Variants in RGPD4 observed in about 807,000 individuals in gnomAD.
RGPD4 encodes ranBP2-like and GRIP domain-containing protein 4.
A neutral mutation model predicts 141.1 loss-of-function variants in RGPD4; 84 were observed. The ratio of observed to expected loss-of-function variants is 0.60; its 90% CI spans 0.50 to 0.71. The LOEUF (loss-of-function observed/expected upper bound fraction) is 0.71. Among genes scored for constraint, RGPD4 ranks in the 30% least tolerant of loss-of-function variants. RGPD4 has a pLI of 0.00. For missense variants in RGPD4, 918 were observed against 1,622.4 expected, an observed-to-expected ratio of 0.57 and a Z score of 7.46; for synonymous variants, 298 against 566.8, an observed-to-expected ratio of 0.53 and a Z score of 6.74.
In RGPD4 at chr2:107,890,505, C is replaced by T. The variant is rs535256000; in HGVS notation, c.5267-216C>T. ...TCAAGGCTGCACTGAAGTCTCATCACGCCACTGCACTCCAGCCTGGGTGAC... is the reference window on the plus strand; with the variant it reads ...TCAAGGCTGCACTGAAGTCTCATCATGCCACTGCACTCCAGCCTGGGTGAC... On this transcript the variant is annotated intron_variant, in intron 22 of 22. Transcript: ENST00000408999. Among the ~76,000 whole-genome samples, 256 of 126,430 alleles carry T rather than the reference C, an allele frequency of 2.0e-3. 2 individuals carry two copies. The highest frequency in any genetic ancestry group is 6.9e-3 in the African/African-American group (227 of 32,786). 82.9% of individuals were successfully genotyped at this position (126,430 alleles called of 152,430 possible). A position where few individuals can be genotyped will look rare whatever the true frequency, so the allele number is the denominator to read the frequency against.
At chr2:107,827,411 C>T (rs573754540) in intron 1 of RGPD4, among the ~76,000 whole-genome samples, 3,388 of 59,420 alleles carry the variant, frequency 0.057, 558 homozygotes, top group African/African-American at 0.13. Context: ...GCGGCGGCCT[C>T]GACCCGGCCC....
Position 107,871,142 on chromosome 2 carries a change from A to G in RGPD4, c.3138A>G (p.Glu1046=), listed in dbSNP as rs1354462437. 8 of 1,610,838 alleles carry G rather than the reference A, an allele frequency of 5.0e-6. No individual in the cohort carries two copies. The highest frequency in any genetic ancestry group is 6.8e-6 in the Non-Finnish European group (8 of 1,179,804). ...TTGAACCAGTAGTTCAAATGCCTGA[A>G]AAAGTAGAACTTGTAATAGGAGAAG... The part of the protein sequence containing the change: ...IHFEPVVQMP[E]KVELVIGEEG... Residue 1046 remains glutamate (E), a synonymous_variant, in exon 20 of 23, where the codon GAA becomes GAG. Coordinates refer to ENST00000408999, the MANE Select transcript of RGPD4 (RefSeq NM_182588.3).
chr2:107,861,664 A>G lies in RGPD4; in HGVS notation c.2129A>G (p.Asn710Ser). Residue 710 changes from asparagine to serine, a missense_variant, in exon 15 of 23, where the codon AAT becomes AGT. Asn to Ser is a conservative substitution (Grantham distance 46, BLOSUM62 1). Coordinates refer to ENST00000408999, the MANE Select transcript of RGPD4 (RefSeq NM_182588.3). ...CCTGAAGAACAAGAAGAATGCAAAA[A>G]TTATCTGAGAAAGACCAGGGGCTAC... ...LSPEEQEECK[N>S]YLRKTRGYLI... The G allele has an allele frequency of 6.2e-7, 1 of 1,606,650 alleles. No individual in the cohort carries two copies. Among genetic ancestry groups the G allele is most frequent in the Non-Finnish European group, 8.5e-7 (1 of 1,177,830 alleles).
chr2:107,829,493 C>G (rs1164800076), intron 1 of RGPD4, among the ~76,000 whole-genome samples: 13 of 101,360 alleles, frequency 1.3e-4, no homozygotes, highest in South Asian at 7.9e-4. Flanking sequence ...GGCGTCATGG[C>G]TACCGACGGG....
At chr2:107,879,241 TA>T (rs1683171246) in intron 20 of RGPD4, among the ~76,000 whole-genome samples, 1 of 74,806 alleles carries the variant, frequency 1.3e-5, no homozygotes, top group Non-Finnish European at 2.7e-5. Context: ...CTTGATGAAG[TA>T]ATGCTAAATT....
intron 6 of RGPD4, among the ~76,000 whole-genome samples, chr2:107,844,823 C>CTTTCTTTCTTT (rs1681859004): frequency 1.9e-5 from 1 of 53,856 alleles, no homozygotes. Context: ...TTCTTTCTTT[C>CTTTCTTTCTTT]TTTTTTGTTT....
chr2:107,888,987 T>C (rs1445008294), intron 22 of RGPD4, among the ~76,000 whole-genome samples: 4 of 135,752 alleles, frequency 2.9e-5, no homozygotes, highest in Non-Finnish European at 6.1e-5. Context: ...TAGTAATTTG[T>C]TACGCAGCAG....
At chr2:107,856,039 G>T (rs1682296440) in intron 8 of RGPD4, among the ~76,000 whole-genome samples, 1 of 137,366 alleles carries the variant, frequency 7.3e-6, no homozygotes, top group Non-Finnish European at 1.5e-5. Flanking sequence ...CTGGGAACAA[G>T]GCCTGGAAAT....
intron 1 of RGPD4, among the ~76,000 whole-genome samples, chr2:107,829,591 G>C (rs558401188): frequency 2.9e-5 from 4 of 140,094 alleles, no homozygotes; most frequent in East Asian, 1.9e-4. Context: ...GGCTCCCGAC[G>C]GGCGCTGCTC....
chr2:107,886,776 G>C (rs1284501566), intron 22 of RGPD4, among the ~76,000 whole-genome samples: 2 of 151,992 alleles, frequency 1.3e-5, no homozygotes, highest in Non-Finnish European at 2.9e-5. Context: ...GAAGGAAACA[G>C]GGCCCATCAG....
At position 107,882,870 on chromosome 2, in the gene RGPD4, C is replaced by A; in HGVS notation, c.5263C>A (p.Gln1755Lys). The A allele has an allele frequency of 6.2e-7, 1 of 1,604,076 alleles. No homozygotes were observed. The highest frequency in any genetic ancestry group is 8.5e-7 in the Non-Finnish European group (1 of 1,175,294). ...EEKGKLAAVA[Q>K]GEE ...AAAGGGAAAACTTGCTGCGGTTGCT[C>A]AAGGTGGGTAAAAGGAGAGTCTCAG... The change falls in exon 22 of 23, where the codon CAA becomes AAA. Residue 1755 changes from glutamine (Q) to lysine (K), a missense_variant. Coordinates refer to ENST00000408999, the MANE Select transcript of RGPD4 (RefSeq NM_182588.3).
chr2:107,870,971 A>C lies in RGPD4; in HGVS notation c.2967A>C (p.Lys989Asn). ...GAGAAGGATTTCAGTTTGGCAAAAAAGACCCCAATTTCAAGGGATTTTCAG... is the reference window on the plus strand; with the variant it reads ...GAGAAGGATTTCAGTTTGGCAAAAACGACCCCAATTTCAAGGGATTTTCAG... ...TSGEGFQFGKKDPNFKGFSGA... is the reference protein window; with the variant it reads ...TSGEGFQFGKNDPNFKGFSGA... Residue 989 changes from lysine (K) to asparagine (N), a missense_variant, in exon 20 of 23, where the codon AAA becomes AAC. Physicochemically the swap from Lys to Asn is moderately conservative, Grantham distance 94 (BLOSUM62 0). Coordinates refer to ENST00000408999, the MANE Select transcript of RGPD4 (RefSeq NM_182588.3). The C allele has an allele frequency of 1.9e-6, 3 of 1,610,388 alleles. No homozygotes were observed. The South Asian group carries it at 3.3e-5, about 18-fold the overall frequency.
chr2:107,870,865 G>T lies in RGPD4; in HGVS notation c.2861G>T (p.Gly954Val), dbSNP rs771467703. Residue 954 changes from glycine to valine, a missense_variant, in exon 20 of 23, where the codon GGC becomes GTC. Gly to Val is a moderately radical substitution (Grantham distance 109, BLOSUM62 -3). Transcript: ENST00000408999. ...DTGFQAQDIS[G>V]QKNGRGVIFG... is the part of the protein sequence containing the mutation. ...GGCTTCCAGGCTCAGGATATTAGTG[G>T]CCAGAAGAATGGCCGTGGTGTGATT... is the stretch of plus-strand genomic sequence containing the variant. The T allele has an allele frequency of 9.3e-6, 15 of 1,610,428 alleles. No homozygotes were observed. The highest frequency in any genetic ancestry group is 1.7e-5 in the Admixed American group (1 of 59,834).
At chr2:107,858,206 CT>C (rs1361839169) in intron 9 of RGPD4, among the ~76,000 whole-genome samples, 4 of 151,894 alleles carry the variant, frequency 2.6e-5, no homozygotes, top group Admixed American at 1.3e-4. Context: ...TCCAAGTTTT[CT>C]CAACTTTTCC....
chr2:107,850,658 T>A (rs1414636470), intron 7 of RGPD4, among the ~76,000 whole-genome samples: 3 of 43,826 alleles, frequency 6.8e-5, no homozygotes, highest in East Asian at 3.2e-4. Context: ...ATTTTATTTT[T>A]TTTTTTGAGA....
At chr2:107,882,272 CT>C (rs1407718893) in intron 21 of RGPD4, among the ~76,000 whole-genome samples, 1 of 150,286 alleles carries the variant, frequency 6.7e-6, no homozygotes, top group African/African-American at 2.4e-5. Flanking sequence ...GTGAGAATTT[CT>C]TGATGTGTCT....
In RGPD4 at chr2:107,872,820, A is replaced by G. The variant is rs1682980409; in HGVS notation, c.4816A>G (p.Lys1606Glu). 1.2e-6 allele frequency: 2 copies of G among 1,608,878 alleles called. No individual in the cohort carries two copies. Among genetic ancestry groups the G allele is most frequent in the Admixed American group, 1.7e-5 (1 of 59,686 alleles). Reference sequence around the variant, plus strand: ...GGAACCTAAAAAATGTGAACTGTCAAAGAACTCTGATATCGAACAGTCTTC... The same window carrying G: ...GGAACCTAAAAAATGTGAACTGTCAGAGAACTCTGATATCGAACAGTCTTC... ...KVEPKKCELS[K>E]NSDIEQSSDS... The change falls in exon 20 of 23, where the codon AAG (lysine) becomes GAG (glutamate). Residue 1606 changes from lysine to glutamate, a missense_variant. Coordinates refer to ENST00000408999, the MANE Select transcript of RGPD4 (RefSeq NM_182588.3).
At chr2:107,884,317 G>T (rs886384744) in intron 22 of RGPD4, among the ~76,000 whole-genome samples, 3 of 152,188 alleles carry the variant, frequency 2.0e-5, no homozygotes, top group African/African-American at 7.2e-5. Context: ...GGCCAGGATG[G>T]TCTCAATCTC....
chr2:107,845,381 C>A (rs1681887869), intron 6 of RGPD4, among the ~76,000 whole-genome samples: 1 of 150,380 alleles, frequency 6.6e-6, no homozygotes, highest in Non-Finnish European at 1.5e-5. Flanking sequence ...AGGTTGTTCC[C>A]CACCAGGAAG....
Sources: gnomAD v4.1 joint callset for allele counts (sites outside exome capture counted in the v4.1 genomes callset) on GRCh38, gnomAD v4.1.1 for gene constraint, MANE v1.5 for transcripts, NCBI Gene and HGNC (gene_info 2026-07-23, HGNC 2026-07-21) for gene names.